Variants in DCDC2 observed in about 807,000 individuals in gnomAD.
DCDC2 encodes doublecortin domain containing 2.
In DCDC2, 40 loss-of-function variants were observed where a neutral mutation model predicts 50.2. The observed-to-expected ratio is 0.80, with a 90% CI of 0.62 to 1.04. The LOEUF (loss-of-function observed/expected upper bound fraction) is 1.04, where lower values mean the gene tolerates loss of function less well. Among genes scored for constraint, DCDC2 ranks in the 50% least tolerant of loss-of-function variants. The pLI is 0.00. For synonymous variants in DCDC2, 234 were observed against 210.6 expected (o/e 1.11, Z -0.96); for missense variants, 570 against 581.9 (o/e 0.98, Z 0.21).
At chr6:24,188,920 C>T (rs1237186923) in intron 8 of DCDC2, among the ~76,000 whole-genome samples, 1 of 151,970 alleles carries the variant, frequency 6.6e-6, no homozygotes, top group Non-Finnish European at 1.5e-5. Context: ...ACTAGATTAA[C>T]GGGCATGTTA....
upstream of DCDC2, among the ~76,000 whole-genome samples, chr6:24,359,419 T>TTATATATATTTATATATATTATATAG (rs1760610407): frequency 5.9e-5 from 3 of 50,978 alleles, no homozygotes; most frequent in African/African-American, 7.1e-5. Context: ...ATATTATATA[T>TTATATATATTTATATATATTATATAG]TATATATATT....
intron 6 of DCDC2, among the ~76,000 whole-genome samples, chr6:24,279,601 A>C (rs1763427572): frequency 6.6e-6 from 1 of 152,124 alleles, no homozygotes; most frequent in Non-Finnish European, 1.5e-5. Flanking sequence ...AAAAAAGAGA[A>C]AAAGAACAAG....
At position 24,323,017 on chromosome 6, in the gene DCDC2, AC is replaced by A. The variant is rs1283401759; in HGVS notation, c.349-20974del. ...CATTTCAACCCGATCACAAGAAAAC[AC>A]CAGATATGTCCTAAATTAAAGGACC... On this transcript the variant is annotated intron_variant, in intron 2 of 9. Transcript: ENST00000378454. Among the ~76,000 whole-genome samples the A allele has an allele frequency of 2.0e-5, 3 of 152,244 alleles. 1 individual carries two copies. Among genetic ancestry groups the A allele is most frequent in the African/African-American group, 7.2e-5 (3 of 41,474 alleles).
chr6:24,317,757 C>A (rs947701536), intron 2 of DCDC2, among the ~76,000 whole-genome samples: 9 of 150,808 alleles, frequency 6.0e-5, no homozygotes, highest in African/African-American at 2.2e-4. Context: ...AGAGATAAAG[C>A]ATAAATATCC....
chr6:24,304,072 C>T (rs1409353328), intron 2 of DCDC2, among the ~76,000 whole-genome samples: 1 of 152,226 alleles, frequency 6.6e-6, no homozygotes, highest in Non-Finnish European at 1.5e-5. Context: ...AAATGTCATA[C>T]TCTAGAGTAC....
Position 24,278,116 on chromosome 6 carries a change from T to C in DCDC2, c.855A>G (p.Ser285=), listed in dbSNP as rs141519329. 6.5e-4 allele frequency: 1,043 copies of C among 1,614,010 alleles called. 4 individuals carry two copies. In the African/African-American group the frequency reaches 6.8e-3, roughly 11 times the overall value. ...TTTGTTTCAATTTCGTCAGTTTTTC[T>C]GAATTCACGTCTTCTTTTTTCCCTT... ...KRKGKKEDVN[S]EKLTKLKQNV... is the part of the protein sequence containing the mutation. The change falls in exon 7 of 10, where the codon TCA becomes TCG. Residue 285 remains serine (S), a synonymous_variant. Coordinates refer to ENST00000378454, the MANE Select transcript of DCDC2 (RefSeq NM_016356.5).
intron 7 of DCDC2, among the ~76,000 whole-genome samples, chr6:24,221,485 C>G (rs1762116724): frequency 6.6e-6 from 1 of 152,200 alleles, no homozygotes; most frequent in Non-Finnish European, 1.5e-5. Flanking sequence ...TACACTTATT[C>G]TCTGTACCCT....
intron 7 of DCDC2, among the ~76,000 whole-genome samples, chr6:24,251,611 T>A (rs543578906): frequency 6.6e-6 from 1 of 152,166 alleles, no homozygotes; most frequent in East Asian, 1.9e-4. Context: ...TGGCTTCAGC[T>A]CTCTGGTCTT....
At position 24,201,411 on chromosome 6, in the gene DCDC2, A is replaced by G. The variant is rs145146387; in HGVS notation, c.1023+3591T>C. 4.3e-3 allele frequency among the ~76,000 whole-genome samples: 658 copies of G among 152,314 alleles called. 5 individuals carry two copies. Among genetic ancestry groups the G allele is most frequent in the African/African-American group, 0.015 (605 of 41,558 alleles). ...CCTGCTCCTGAATGACTACTGGTACATAACGAAATGAAGGCAGAAATAAAT... is the reference window on the plus strand; with the variant it reads ...CCTGCTCCTGAATGACTACTGGTACGTAACGAAATGAAGGCAGAAATAAAT... On this transcript the variant is annotated intron_variant, in intron 8 of 9. Coordinates refer to ENST00000378454, the MANE Select transcript of DCDC2 (RefSeq NM_016356.5).
At chr6:24,272,205 C>T (rs1283945513) in intron 7 of DCDC2, among the ~76,000 whole-genome samples, 1 of 152,168 alleles carries the variant, frequency 6.6e-6, no homozygotes, top group Non-Finnish European at 1.5e-5. Flanking sequence ...GCAAAGTACA[C>T]ATTTTGAAAC....
intron 2 of DCDC2, among the ~76,000 whole-genome samples, chr6:24,342,187 GGTTGCTA>G: frequency 6.6e-6 from 1 of 152,136 alleles, no homozygotes; most frequent in East Asian, 1.9e-4. Context: ...CTCTTTAGGT[GGTTGCTA>G]TGTCCGTCCA....
intron 7 of DCDC2, among the ~76,000 whole-genome samples, chr6:24,220,219 G>A (rs548306302): frequency 2.0e-5 from 3 of 152,292 alleles, no homozygotes; most frequent in South Asian, 4.1e-4. Context: ...AGATGCATAT[G>A]CAGGTACAAA....
chr6:24,182,731 A>G (rs114151506), intron 8 of DCDC2, among the ~76,000 whole-genome samples: 3,878 of 152,114 alleles, frequency 0.025, 77 homozygotes, highest in African/African-American at 0.055. Flanking sequence ...GCCACCTGAA[A>G]AACAGTATGG....
chr6:24,294,926 C>T (rs1225979502), intron 4 of DCDC2, among the ~76,000 whole-genome samples: 1 of 151,986 alleles, frequency 6.6e-6, no homozygotes, highest in Non-Finnish European at 1.5e-5. Context: ...GAAACTATTC[C>T]AAAAAATTGA....
chr6:24,220,911 TGAGC>T (rs1184828335), intron 7 of DCDC2, among the ~76,000 whole-genome samples: 1 of 125,290 alleles, frequency 8.0e-6, no homozygotes, highest in Non-Finnish European at 1.8e-5. Context: ...AGCGAGAGAG[TGAGC>T]GAGCGAGCGA....
chr6:24,216,603 C>T (rs536855285), intron 7 of DCDC2, among the ~76,000 whole-genome samples: 2 of 152,346 alleles, frequency 1.3e-5, no homozygotes, highest in South Asian at 4.1e-4. Flanking sequence ...AATTCAGAGG[C>T]CTGAGGCCAT....
rs1760412683 is a variant in DCDC2 at position 24,353,629 on chromosome 6, G to GA, written c.294-7dup. ...TTTCTCCTATGTCCAAGTAACTGAG[G>GA]AAAAAACAAACAAACAATAAGAGTT... On this transcript the variant is annotated splice_region_variant and splice_polypyrimidine_tract_variant and intron_variant, in intron 1 of 9. Coordinates refer to ENST00000378454, the MANE Select transcript of DCDC2 (RefSeq NM_016356.5). 1.3e-6 allele frequency: 2 copies of GA among 1,562,678 alleles called. No individual in the cohort carries two copies. Among genetic ancestry groups the GA allele is most frequent in the Non-Finnish European group, 1.7e-6 (2 of 1,151,772 alleles).
At chr6:24,244,781 T>A (rs1762635796) in intron 7 of DCDC2, among the ~76,000 whole-genome samples, 1 of 152,222 alleles carries the variant, frequency 6.6e-6, no homozygotes, top group African/African-American at 2.4e-5. Flanking sequence ...GTGAAAACTC[T>A]GACAAAATTT....
chr6:24,343,662 C>T (rs1760201795), intron 2 of DCDC2, among the ~76,000 whole-genome samples: 1 of 152,188 alleles, frequency 6.6e-6, no homozygotes. Context: ...ATGCACTGTA[C>T]TACACAGTCC....
Sources: gnomAD v4.1 joint callset for allele counts (sites outside exome capture counted in the v4.1 genomes callset) on GRCh38, gnomAD v4.1.1 for gene constraint, MANE v1.5 for transcripts, NCBI Gene and HGNC (gene_info 2026-07-23, HGNC 2026-07-21) for gene names.